The following EFCAB13 variants were observed in gnomAD, a reference collection of about 807,000 sequenced individuals.
EFCAB13 encodes the protein EF-hand calcium-binding domain-containing protein 13.
EFCAB13 carries 91 observed loss-of-function variants against 110.2 expected under a neutral mutation model. That is an observed-to-expected ratio of 0.83 (90% confidence interval 0.70 to 0.98). The LOEUF is 0.98. Ranked by LOEUF, EFCAB13 falls within the 50% of genes least tolerant of loss-of-function variation. The pLI is 0.00. For missense variants in EFCAB13, 968 were observed against 1,119.4 expected (o/e 0.86, Z 1.93); for synonymous variants, 323 against 369.9 (o/e 0.87, Z 1.45).
intron 17 of EFCAB13, among the ~76,000 whole-genome samples, chr17:47,397,745 C>T (rs1372506691): frequency 2.6e-5 from 4 of 151,648 alleles, no homozygotes; most frequent in Admixed American, 1.3e-4. Flanking sequence ...CCGGCCGCCC[C>T]GTCTGAGAAG....
chr17:47,420,671 C>G (rs372707598), intron 23 of EFCAB13, among the ~76,000 whole-genome samples: 3,272 of 151,618 alleles, frequency 0.022, 91 homozygotes, highest in East Asian at 0.16. Context: ...CGTCTCTGCC[C>G]GGCCGCCCCG....
In EFCAB13 at chr17:47,431,258, G is replaced by T; in HGVS notation, c.2638+1297G>T. Among the ~76,000 whole-genome samples the T allele has an allele frequency of 1.3e-5, 2 of 150,518 alleles. No homozygotes were observed. The highest frequency in any genetic ancestry group is 2.4e-5 in the African/African-American group (1 of 40,870). On this transcript the variant is annotated intron_variant, in intron 24 of 24. Coordinates refer to ENST00000331493, the MANE Select transcript of EFCAB13 (RefSeq NM_152347.5). This position sits in a 1 kb window ranked among gnomAD's most constrained non-coding sequence, Gnocchi z 4.1. The stretch of plus-strand genomic sequence containing the variant: ...CAACCCCTTTTTTTAATCTCCTTCC[G>T]CCTATATCCTAACATCTATTTTTTC...
chr17:47,426,304 T>G (rs967703776), intron 23 of EFCAB13, among the ~76,000 whole-genome samples: 5 of 152,228 alleles, frequency 3.3e-5, no homozygotes, highest in Non-Finnish European at 7.3e-5. Flanking sequence ...GTTTTGAAGC[T>G]TACATGGACA....
intron 9 of EFCAB13, among the ~76,000 whole-genome samples, chr17:47,355,967 T>C (rs915539284): frequency 5.9e-5 from 9 of 152,174 alleles, no homozygotes; most frequent in Admixed American, 2.6e-4. Flanking sequence ...AAGTTTTTTC[T>C]TCTACTTATT....
chr17:47,440,497 C>G lies in EFCAB13; in HGVS notation c.2705C>G (p.Ala902Gly), dbSNP rs149958480. 6.2e-7 allele frequency: 1 copy of G among 1,611,064 alleles called. No homozygotes were observed. Among genetic ancestry groups the G allele is most frequent in the African/African-American group, 1.3e-5 (1 of 74,840 alleles). The change falls in exon 25 of 25, where the codon GCT becomes GGT. Residue 902 changes from alanine to glycine, a missense_variant. Ala to Gly is a moderately conservative substitution (Grantham distance 60, BLOSUM62 0). Coordinates refer to ENST00000331493, the MANE Select transcript of EFCAB13 (RefSeq NM_152347.5). ...TCCGATATATTGACAATTCCTAAAGCTGCAGGTAAGTTTTATTTAATATGT... is the reference window on the plus strand; with the variant it reads ...TCCGATATATTGACAATTCCTAAAGGTGCAGGTAAGTTTTATTTAATATGT... ...KLSDILTIPKAAGKFYLICTY... is the reference protein window; with the variant it reads ...KLSDILTIPKGAGKFYLICTY...
chr17:47,377,724 A>G (rs776416608), intron 12 of EFCAB13, 42 bp from the exon 13 acceptor site: 1 of 1,492,584 alleles, frequency 6.7e-7, no homozygotes. Context: ...TTTGACACAT[A>G]AATTCTGTTG....
In EFCAB13 at chr17:47,374,752, G is replaced by T. The variant is rs752122959; in HGVS notation, c.1158G>T (p.Lys386Asn). 1.6e-5 allele frequency: 26 copies of T among 1,613,906 alleles called. No homozygotes were observed. The highest frequency in any genetic ancestry group is 5.0e-5 in the Admixed American group (3 of 59,980). The change falls in exon 12 of 25, where the codon AAG becomes AAT. Residue 386 changes from lysine to asparagine, a missense_variant. Coordinates refer to ENST00000331493, the MANE Select transcript of EFCAB13 (RefSeq NM_152347.5). ...TAGGAGTCCAAGAACCATATTCAAA[G>T]AATGGCATAAACTTTAAAAAACATT... The part of the protein sequence containing the change: ...SNVGVQEPYS[K>N]NGINFKKHSE...
intron 5 of EFCAB13, among the ~76,000 whole-genome samples, chr17:47,341,701 A>G (rs982182645): frequency 2.0e-5 from 3 of 152,156 alleles, no homozygotes; most frequent in Non-Finnish European, 4.4e-5. Flanking sequence ...GATTTCTATT[A>G]AAATCTTTAC....
chr17:47,363,574 A>T (rs1225895247), intron 10 of EFCAB13, among the ~76,000 whole-genome samples: 1 of 152,138 alleles, frequency 6.6e-6, no homozygotes. Flanking sequence ...TAGGCTGCTA[A>T]TACATACTGG....
Position 47,374,925 on chromosome 17 carries a change from A to T in EFCAB13, c.1331A>T (p.Lys444Ile). ...GTAAGAAAGCATTCCAGTCTCCAAAAACAGGTTTCGTCTACGGAAAAAACT... is the reference window on the plus strand; with the variant it reads ...GTAAGAAAGCATTCCAGTCTCCAAATACAGGTTTCGTCTACGGAAAAAACT... ...PAVRKHSSLQ[K>I]QVSSTEKTAI... is the part of the protein sequence containing the mutation. The change falls in exon 12 of 25, where the codon AAA becomes ATA. Residue 444 changes from lysine (K) to isoleucine (I), a missense_variant. Coordinates refer to ENST00000331493, the MANE Select transcript of EFCAB13 (RefSeq NM_152347.5). 6.3e-7 allele frequency: 1 copy of T among 1,593,714 alleles called. No individual in the cohort carries two copies.
intron 15 of EFCAB13, among the ~76,000 whole-genome samples, chr17:47,393,476 T>A (rs1598747432): frequency 6.6e-6 from 1 of 152,286 alleles, no homozygotes; most frequent in East Asian, 1.9e-4. Flanking sequence ...GAAAGCAGCA[T>A]GATATTCATC....
At chr17:47,332,843 C>G (rs566819998) in intron 4 of EFCAB13, among the ~76,000 whole-genome samples, 1 of 152,104 alleles carries the variant, frequency 6.6e-6, no homozygotes, top group South Asian at 2.1e-4. Flanking sequence ...ACTTTTATAT[C>G]TTGGCTATTG....
chr17:47,342,495 G>A (rs2065391466), intron 6 of EFCAB13, among the ~76,000 whole-genome samples: 2 of 152,048 alleles, frequency 1.3e-5, no homozygotes, highest in Admixed American at 1.3e-4. Flanking sequence ...GATTACATCT[G>A]CAAATACATT....
Position 47,402,283 on chromosome 17 carries a change from T to A in EFCAB13, c.2017+80T>A, listed in dbSNP as rs1044587583. The A allele has an allele frequency of 1.8e-5, 23 of 1,279,162 alleles. No individual in the cohort carries two copies. The African/African-American group carries it at 3.0e-4, about 17-fold the overall frequency. 79.2% of individuals were successfully genotyped at this position (1,279,162 alleles called of 1,614,324 possible). ...TTTTGTTTTTGTTTTTAATGCTGTG[T>A]GTTCACCTAATTTCTGGTTAACATG... On this transcript the variant is annotated intron_variant, in intron 18 of 24. Transcript: ENST00000331493.
chr17:47,361,276 T>G (rs1161892809), intron 9 of EFCAB13, 102 bp from the exon 10 acceptor site: 1 of 1,027,336 alleles, frequency 9.7e-7, no homozygotes, highest in East Asian at 2.4e-5. Context: ...AACCCTGTGC[T>G]TATACAAAGT....
intron 9 of EFCAB13, 103 bp from the exon 10 acceptor site, chr17:47,361,275 C>A: frequency 9.8e-7 from 1 of 1,016,838 alleles, no homozygotes; most frequent in Non-Finnish European, 1.5e-6. Flanking sequence ...AAACCCTGTG[C>A]TTATACAAAG....
intron 2 of EFCAB13, among the ~76,000 whole-genome samples, chr17:47,325,399 G>A (rs1347262612): frequency 6.6e-6 from 1 of 152,078 alleles, no homozygotes; most frequent in African/African-American, 2.4e-5. Flanking sequence ...CCTCCTCACA[G>A]TAACCAGAGT....
At chr17:47,381,441 G>C (rs1277058759) in intron 14 of EFCAB13, among the ~76,000 whole-genome samples, 1 of 152,112 alleles carries the variant, frequency 6.6e-6, no homozygotes, top group African/African-American at 2.4e-5. Flanking sequence ...CCTATGTCCT[G>C]AATGGTATTG....
chr17:47,421,430 C>CT (rs1479218447), intron 23 of EFCAB13, among the ~76,000 whole-genome samples: 1 of 151,878 alleles, frequency 6.6e-6, no homozygotes, highest in Non-Finnish European at 1.5e-5. Context: ...TTGAAGGCAG[C>CT]ATGCTCCTTA....
Sources: allele counts gnomAD v4.1 joint callset (sites outside exome capture counted in the v4.1 genomes callset), GRCh38; gene constraint gnomAD v4.1.1; non-coding constraint Gnocchi (gnomAD v3.1); transcripts MANE v1.5; gene names NCBI Gene and HGNC (gene_info 2026-07-23, HGNC 2026-07-21).